The following SPRED2 variants were observed in gnomAD, a reference collection of about 807,000 sequenced individuals.
SPRED2 encodes the protein sprouty-related, EVH1 domain-containing protein 2.
A neutral mutation model predicts 43.0 loss-of-function variants in SPRED2; 47 were observed. The ratio of observed to expected loss-of-function variants is 1.09; its 90% CI spans 0.87 to 1.40. The LOEUF (loss-of-function observed/expected upper bound fraction) is 1.40, where lower values mean the gene tolerates loss of function less well. SPRED2 is among the 40% of genes most tolerant of loss of function. The pLI, the probability that SPRED2 is intolerant of heterozygous loss-of-function variation, is 0.00. For missense variants in SPRED2, 561 were observed against 586.4 expected (o/e 0.96, Z 0.45); for synonymous variants, 225 against 225.7 (o/e 1.00, Z 0.03).
intron 5 of SPRED2, 141 bp from the exon 6 acceptor site, chr2:65,314,310 AG>A: frequency 1.3e-6 from 1 of 788,688 alleles, no homozygotes; most frequent in Non-Finnish European, 2.0e-6. Flanking sequence ...GTGAAGAAAC[AG>A]ACCCTTCCTG....
intron 4 of SPRED2, among the ~76,000 whole-genome samples, chr2:65,327,541 T>G (rs1558652430): frequency 6.6e-6 from 1 of 152,094 alleles, no homozygotes; most frequent in South Asian, 2.1e-4. Flanking sequence ...TGAGAGTTAT[T>G]GTCATTTAGA....
chr2:65,409,945 G>A (rs1321122788), intron 1 of SPRED2, among the ~76,000 whole-genome samples: 2 of 150,548 alleles, frequency 1.3e-5, no homozygotes, highest in Non-Finnish European at 1.5e-5. Flanking sequence ...CAGGAGAATC[G>A]CTTGAACCAG....
At chr2:65,380,730 G>A (rs1049414588) in intron 1 of SPRED2, 19 of 152,174 alleles carry the variant, frequency 1.2e-4, no homozygotes, top group African/African-American at 2.4e-5. Context: ...ATCAAGTTGA[G>A]AGAGGAGTCT....
chr2:65,313,670 T>A lies in SPRED2; in HGVS notation c.1088A>T (p.Asp363Val). Residue 363 changes from aspartate to valine, a missense_variant, in exon 6 of 6, where the codon GAC becomes GTC. By Grantham distance (152) the Asp-to-Val change is radical. This residue lies in a region of SPRED2 where 65 missense variants were observed against 60.2 expected (regional missense o/e 1.08). Transcript: ENST00000356388. ...GTCGCTAGTATCGCACGAGCAAGGG[T>A]CTGTATAGTCTCCCTCGGGGTCCGA... The part of the protein sequence containing the change: ...CMSDPEGDYT[D>V]PCSCDTSDEK... The A allele has an allele frequency of 6.2e-7, 1 of 1,614,100 alleles. No individual in the cohort carries two copies. Among genetic ancestry groups the A allele is most frequent in the Non-Finnish European group, 8.5e-7 (1 of 1,180,024 alleles).
At chr2:65,428,042 C>G (rs556695452) in intron 1 of SPRED2, among the ~76,000 whole-genome samples, 4 of 152,320 alleles carry the variant, frequency 2.6e-5, no homozygotes, top group Non-Finnish European at 5.9e-5. Flanking sequence ...TGTTTGCTGT[C>G]TCGGGCAACT....
chr2:65,360,068 A>T (rs1674760260), intron 1 of SPRED2, among the ~76,000 whole-genome samples: 2 of 125,936 alleles, frequency 1.6e-5, no homozygotes, highest in Non-Finnish European at 3.4e-5. Context: ...CCATCTCAAA[A>T]AAAAAAAAAA....
At chr2:65,431,831 C>A in intron 1 of SPRED2, 131 bp downstream of exon 1, 15 of 1,132,534 alleles carry the variant, frequency 1.3e-5, no homozygotes, top group Non-Finnish European at 2.0e-5. Context: ...CGCGTCCCAA[C>A]GCCGAAAGGT....
At chr2:65,385,616 GGAA>G (rs1290247137) in intron 1 of SPRED2, among the ~76,000 whole-genome samples, 2 of 152,264 alleles carry the variant, frequency 1.3e-5, no homozygotes, top group Non-Finnish European at 2.9e-5. Context: ...AAACCAGAGA[GGAA>G]GAAGGTCATC....
Position 65,311,107 on chromosome 2 carries a change from G to A in SPRED2, c.*2394C>T, listed in dbSNP as rs1160613522. 1.0e-6 allele frequency: 1 copy of A among 985,656 alleles called. No homozygotes were observed. The highest frequency in any genetic ancestry group is 1.1e-4 in the East Asian group (1 of 8,828). 61.1% of individuals were successfully genotyped at this position (985,656 alleles called of 1,614,324 possible). ...TGAGCAAATAGCTTGGGGGGTCGGG[G>A]AGGCTTCTGGACAGAAAATCTTTTG... On this transcript the variant is annotated 3_prime_UTR_variant, in exon 6 of 6. Transcript: ENST00000356388.
intron 1 of SPRED2, among the ~76,000 whole-genome samples, chr2:65,409,281 C>T (rs1049872447): frequency 6.6e-6 from 1 of 152,108 alleles, no homozygotes; most frequent in Non-Finnish European, 1.5e-5. Flanking sequence ...TGGAGATGTG[C>T]TCCAATTATA....
intron 1 of SPRED2, among the ~76,000 whole-genome samples, chr2:65,429,308 G>A (rs1676624888): frequency 6.6e-6 from 1 of 152,090 alleles, no homozygotes; most frequent in Non-Finnish European, 1.5e-5. Flanking sequence ...ATCTTTCCTA[G>A]GTCTCCAGTT....
At position 65,431,953 on chromosome 2, in the gene SPRED2, C is replaced by A; in HGVS notation, c.26+9G>T. On this transcript the variant is annotated intron_variant, in intron 1 of 5. Transcript: ENST00000356388. ...GGGCACCCTCGTCCCACCCCGCGAC[C>A]AAACTTACTCGTCTGGGTGTGTTTC... is the stretch of plus-strand genomic sequence containing the variant. The A allele has an allele frequency of 1.2e-6, 2 of 1,613,984 alleles. No individual in the cohort carries two copies. The highest frequency in any genetic ancestry group is 1.7e-6 in the Non-Finnish European group (2 of 1,179,984).
At position 65,344,709 on chromosome 2, in the gene SPRED2, C is replaced by T. The variant is rs112051923; in HGVS notation, c.204+10G>A. 9.9e-6 allele frequency: 16 copies of T among 1,613,284 alleles called. 1 individual carries two copies. In the African/African-American group the frequency reaches 1.6e-4, roughly 16 times the overall value. On this transcript the variant is annotated intron_variant, in intron 2 of 5. Transcript: ENST00000356388. ...CTAATTTAACCCACGAGTTGTATGT[C>T]TGCCATTACCAGTTTGTCTTTCTGT...
At chr2:65,342,578 A>T (rs190556200) in intron 2 of SPRED2, among the ~76,000 whole-genome samples, 9 of 152,230 alleles carry the variant, frequency 5.9e-5, no homozygotes, top group African/African-American at 2.2e-4. Context: ...AGTCATAAAA[A>T]TATGACCTCC....
At position 65,317,267 on chromosome 2, in the gene SPRED2, C is replaced by T. The variant is rs369104804; in HGVS notation, c.439-384G>A. 2.6e-4 allele frequency among the ~76,000 whole-genome samples: 40 copies of T among 152,328 alleles called. No individual in the cohort carries two copies. In the East Asian group the frequency reaches 6.2e-3, roughly 24 times the overall value. On this transcript the variant is annotated intron_variant, in intron 4 of 5. Coordinates refer to ENST00000356388, the MANE Select transcript of SPRED2 (RefSeq NM_181784.3). ...GGGGCTCATGCCTGTAATCCCAGCA[C>T]TTTGGGAGGCCAAGGCGGGCGGATC...
At chr2:65,417,513 C>T (rs1357760088) in intron 1 of SPRED2, among the ~76,000 whole-genome samples, 2 of 152,200 alleles carry the variant, frequency 1.3e-5, no homozygotes, top group Non-Finnish European at 2.9e-5. Context: ...CAGGGTGTGA[C>T]CAAGGCTAGC....
At chr2:65,354,645 G>T (rs1369260304) in intron 1 of SPRED2, among the ~76,000 whole-genome samples, 6 of 146,004 alleles carry the variant, frequency 4.1e-5, no homozygotes, top group Non-Finnish European at 9.1e-5. Context: ...ATATTTGTTG[G>T]TTTTTTTTTT....
At chr2:65,339,130 C>T (rs186939189) in intron 2 of SPRED2, among the ~76,000 whole-genome samples, 127 of 112,584 alleles carry the variant, frequency 1.1e-3, no homozygotes, top group African/African-American at 5.5e-3. Context: ...CCCGGCCAGC[C>T]GCCCGGTCCA....
intron 1 of SPRED2, among the ~76,000 whole-genome samples, chr2:65,363,867 T>G (rs1276348333): frequency 2.0e-5 from 3 of 152,244 alleles, no homozygotes; most frequent in African/African-American, 7.2e-5. Context: ...AATATAATTT[T>G]AGTAAGTGCT....
Sources: allele counts gnomAD v4.1 joint callset (sites outside exome capture counted in the v4.1 genomes callset), GRCh38; gene constraint gnomAD v4.1.1; regional missense constraint gnomAD v4.1.1; transcripts MANE v1.5; gene names NCBI Gene and HGNC (gene_info 2026-07-23, HGNC 2026-07-21).